ACTL6A: variants seen among roughly 807,000 people sequenced by gnomAD.
ACTL6A encodes actin like 6A.
Under a neutral mutation model 59.2 loss-of-function variants are expected in ACTL6A, and 5 were observed. That is an observed-to-expected ratio of 0.08 (90% CI 0.04 to 0.18). The LOEUF (loss-of-function observed/expected upper bound fraction) is 0.18, where lower values mean the gene tolerates loss of function less well. Ranked by LOEUF, ACTL6A falls within the 10% of genes least tolerant of loss-of-function variation. ACTL6A has a pLI of 1.00. For missense variants in ACTL6A, 285 were observed against 526.9 expected, an observed-to-expected ratio of 0.54 and a Z score of 4.49; for synonymous variants, 154 against 171.8, an observed-to-expected ratio of 0.90 and a Z score of 0.81.
chr3:179,583,268 A>C, intron 11 of ACTL6A, 85 bp from the exon 12 acceptor site: 1 of 1,036,818 alleles, frequency 9.6e-7, no homozygotes, highest in Non-Finnish European at 1.5e-6. Context: ...AAATTGTAGT[A>C]GAGCACATGG....
At chr3:179,576,591 C>T (rs1360118051) in intron 6 of ACTL6A, 29 bp from the exon 7 acceptor site, 1 of 1,564,226 alleles carries the variant, frequency 6.4e-7, no homozygotes, top group Non-Finnish European at 8.8e-7. Context: ...ACTTACTGCC[C>T]TCTTAGCCTT....
At chr3:179,584,604 T>G (rs1402832389) in intron 12 of ACTL6A, among the ~76,000 whole-genome samples, 1 of 120,612 alleles carries the variant, frequency 8.3e-6, no homozygotes, top group African/African-American at 3.1e-5. Context: ...AGAGCAAGAC[T>G]CCATCTCAAA....
rs1386467181 is a variant in ACTL6A at position 179,570,607 on chromosome 3, A to G, written c.277+366A>G. ...GAGGTAACATGATGAATCTTGATCAATGAGTAAGAATTAGCTTGGCTGACA... is the reference window on the plus strand; with the variant it reads ...GAGGTAACATGATGAATCTTGATCAGTGAGTAAGAATTAGCTTGGCTGACA... On this transcript the variant is annotated intron_variant, in intron 3 of 13. Transcript: ENST00000429709. This position sits in a 1 kb window ranked among gnomAD's most constrained non-coding sequence, Gnocchi z 4.3. 6.6e-6 allele frequency among the ~76,000 whole-genome samples: 1 copy of G among 152,232 alleles called. No homozygotes were observed. Among genetic ancestry groups the G allele is most frequent in the Admixed American group, 6.5e-5 (1 of 15,288 alleles).
intron 1 of ACTL6A, among the ~76,000 whole-genome samples, chr3:179,563,718 C>T (rs1441718912): frequency 6.6e-6 from 1 of 152,166 alleles, no homozygotes; most frequent in African/African-American, 2.4e-5. Context: ...TTTTTGGCTG[C>T]GGAGTCTCCA....
chr3:179,585,263 C>T (rs1430226585), intron 12 of ACTL6A, among the ~76,000 whole-genome samples: 1 of 152,102 alleles, frequency 6.6e-6, no homozygotes, highest in African/African-American at 2.4e-5. Flanking sequence ...CCACCACACC[C>T]GGCTAATTTT....
intron 1 of ACTL6A, among the ~76,000 whole-genome samples, chr3:179,565,263 C>A (rs1717797916): frequency 6.6e-6 from 1 of 151,770 alleles, no homozygotes; most frequent in East Asian, 1.9e-4. Context: ...ATGACAAAAC[C>A]CTGTCTCTAC....
At chr3:179,579,742 T>A (rs774649165) in intron 8 of ACTL6A, among the ~76,000 whole-genome samples, 1 of 152,192 alleles carries the variant, frequency 6.6e-6, no homozygotes, top group Non-Finnish European at 1.5e-5. Flanking sequence ...GAGCCAAGAT[T>A]GTGCCACTGC....
chr3:179,586,465 TTG>T, intron 12 of ACTL6A, 79 bp from the exon 13 acceptor site: 96 of 937,220 alleles, frequency 1.0e-4, no homozygotes, highest in East Asian at 3.7e-4. Flanking sequence ...CTGTCTCTAT[TTG>T]AAAAAAAAAA....
intron 3 of ACTL6A, 100 bp from the exon 4 acceptor site, chr3:179,573,269 C>A: frequency 1.4e-6 from 1 of 719,794 alleles, no homozygotes; most frequent in Non-Finnish European, 2.2e-6. Context: ...GTTCTGTATA[C>A]TAAAGTATTA....
intron 3 of ACTL6A, among the ~76,000 whole-genome samples, chr3:179,572,015 G>A (rs776191188): frequency 2.6e-5 from 4 of 151,814 alleles, no homozygotes; most frequent in Non-Finnish European, 5.9e-5. Context: ...GGTTCACTGA[G>A]TTCAAAGTAC....
chr3:179,575,382 C>T, intron 5 of ACTL6A: 1 of 456,636 alleles, frequency 2.2e-6, no homozygotes, highest in South Asian at 1.5e-5. Flanking sequence ...CCTGGGACAT[C>T]CTGAGCTTTT....
At chr3:179,563,198 C>G (rs1486884366) in intron 1 of ACTL6A, 81 bp downstream of exon 1, 2 of 1,532,186 alleles carry the variant, frequency 1.3e-6, no homozygotes, top group Non-Finnish European at 1.8e-6. Context: ...CCTCCCCTCC[C>G]CGGCGTTCCC....
chr3:179,583,944 G>T (rs1352442152), intron 12 of ACTL6A, among the ~76,000 whole-genome samples: 1 of 152,224 alleles, frequency 6.6e-6, no homozygotes, highest in Non-Finnish European at 1.5e-5. Flanking sequence ...AATACTAAGA[G>T]AAGACAGGTA....
At chr3:179,563,179 G>A in intron 1 of ACTL6A, 62 bp downstream of exon 1, 1 of 1,560,584 alleles carries the variant, frequency 6.4e-7, no homozygotes, top group Non-Finnish European at 8.7e-7. Context: ...TGTAACCGCC[G>A]CTCCCAGCCC....
intron 8 of ACTL6A, among the ~76,000 whole-genome samples, chr3:179,578,826 T>C (rs1718247993): frequency 6.6e-6 from 1 of 152,128 alleles, no homozygotes; most frequent in African/African-American, 2.4e-5. Context: ...AGCGCAGTGG[T>C]GCAGTCTCGG....
intron 12 of ACTL6A, among the ~76,000 whole-genome samples, chr3:179,584,877 T>G (rs1294967258): frequency 6.6e-6 from 1 of 152,212 alleles, no homozygotes; most frequent in Non-Finnish European, 1.5e-5. Flanking sequence ...TATTAGTGGT[T>G]ACATATGCCC....
intron 3 of ACTL6A, chr3:179,573,125 G>T: frequency 3.1e-6 from 1 of 318,538 alleles, no homozygotes; most frequent in Non-Finnish European, 5.6e-6. Flanking sequence ...TCATATTTTA[G>T]GTCTGTTAGA....
intron 11 of ACTL6A, among the ~76,000 whole-genome samples, chr3:179,581,580 G>C (rs908745984): frequency 6.6e-6 from 1 of 152,206 alleles, no homozygotes; most frequent in Non-Finnish European, 1.5e-5. Flanking sequence ...TGTAGACTGC[G>C]CTAGAGATTT....
chr3:179,564,835 C>A (rs1222664918), intron 1 of ACTL6A, among the ~76,000 whole-genome samples: 1 of 150,184 alleles, frequency 6.7e-6, no homozygotes, highest in Non-Finnish European at 1.5e-5. Flanking sequence ...TTCACTGATT[C>A]TTCGTTGTAC....
Sources: allele counts gnomAD v4.1 joint callset (sites outside exome capture counted in the v4.1 genomes callset), GRCh38; gene constraint gnomAD v4.1.1; non-coding constraint Gnocchi (gnomAD v3.1); transcripts MANE v1.5; gene names NCBI Gene and HGNC (gene_info 2026-07-23, HGNC 2026-07-21).